The following CCDC33 variants were observed in gnomAD, a reference collection of about 807,000 sequenced individuals.
The protein encoded by CCDC33 is coiled-coil domain-containing protein 33.
A neutral mutation model predicts 91.9 loss-of-function variants in CCDC33; 94 were observed. That is an observed-to-expected ratio of 1.02 (90% CI 0.87 to 1.21). CCDC33 has a LOEUF of 1.21. CCDC33 is among the 50% of genes most tolerant of loss of function. The probability of loss-of-function intolerance (pLI) is 0.00; values close to 1 mark genes in which losing one functional copy is unlikely to be tolerated. For synonymous variants in CCDC33, 396 were observed against 374.5 expected, an observed-to-expected ratio of 1.06 and a Z score of -0.66; for missense variants, 940 against 935.5, an observed-to-expected ratio of 1.00 and a Z score of -0.06.
In CCDC33 at chr15:74,334,840, G is replaced by C. The variant is rs548466916; in HGVS notation, c.2026-135G>C. On this transcript the variant is annotated intron_variant, in intron 17 of 18. Transcript: ENST00000398814. The stretch of plus-strand genomic sequence containing the variant: ...CTCACCCCGCCACCCCTGAGGTCTC[G>C]GGAAGGTGTCAAGCCCACATGGCCC... 6.7e-6 allele frequency: 5 copies of C among 741,478 alleles called. No homozygotes were observed. In the East Asian group the frequency reaches 7.7e-5, roughly 11 times the overall value. The allele number at this position is 741,478 out of a possible 1,614,324, so 45.9% of individuals were successfully genotyped here.
intron 11 of CCDC33, among the ~76,000 whole-genome samples, chr15:74,322,150 T>C (rs1352541554): frequency 6.6e-6 from 1 of 152,160 alleles, no homozygotes; most frequent in African/African-American, 2.4e-5. Context: ...GAGAGGATGT[T>C]CCAGTTACCT....
intron 10 of CCDC33, among the ~76,000 whole-genome samples, chr15:74,291,031 C>T (rs2059574429): frequency 6.6e-6 from 1 of 152,160 alleles, no homozygotes; most frequent in African/African-American, 2.4e-5. Context: ...CTCCTCTGGC[C>T]TCAAAATGTG....
intron 5 of CCDC33, among the ~76,000 whole-genome samples, chr15:74,271,202 C>G (rs2076306487): frequency 6.6e-6 from 1 of 152,088 alleles, no homozygotes; most frequent in East Asian, 1.9e-4. Context: ...GTCGGAGAAA[C>G]CAGACCTGGG....
chr15:74,252,461 A>G (rs1595946895), intron 2 of CCDC33, among the ~76,000 whole-genome samples: 1 of 152,210 alleles, frequency 6.6e-6, no homozygotes, highest in East Asian at 1.9e-4. Context: ...GGCAGCCCTC[A>G]CTTGCTGATG....
chr15:74,233,107 G>A (rs115962727), upstream of CCDC33, among the ~76,000 whole-genome samples: 2,436 of 152,248 alleles, frequency 0.016, 63 homozygotes, highest in African/African-American at 0.056. Flanking sequence ...CCTTCATCCC[G>A]GAGGCCTTCC....
intron 5 of CCDC33, 31 bp from the exon 6 acceptor site, chr15:74,271,671 TG>T: frequency 6.4e-7 from 1 of 1,562,396 alleles, no homozygotes. Context: ...GGCCACATGG[TG>T]TTCACCTGCC....
intron 4 of CCDC33, among the ~76,000 whole-genome samples, chr15:74,267,574 G>A (rs1454250911): frequency 4.6e-5 from 7 of 151,204 alleles, no homozygotes; most frequent in African/African-American, 1.5e-4. Context: ...GCCAGGTAGT[G>A]AGCCAGAGAT....
chr15:74,306,225 C>G (rs77697159), intron 11 of CCDC33, among the ~76,000 whole-genome samples: 2,851 of 152,238 alleles, frequency 0.019, 68 homozygotes, highest in African/African-American at 0.066. Flanking sequence ...GGAGACACAT[C>G]AAGAATGGCT....
intron 2 of CCDC33, among the ~76,000 whole-genome samples, chr15:74,224,951 A>G (rs2074740001): frequency 6.6e-6 from 1 of 152,094 alleles, no homozygotes; most frequent in South Asian, 2.1e-4. Flanking sequence ...CCCAGATTCC[A>G]GGTTGCAGGG....
At chr15:74,246,105 A>G (rs2075521152) in intron 2 of CCDC33, among the ~76,000 whole-genome samples, 1 of 152,234 alleles carries the variant, frequency 6.6e-6, no homozygotes. Flanking sequence ...AAAGCACACA[A>G]TAGGCATAAG....
intron 11 of CCDC33, among the ~76,000 whole-genome samples, chr15:74,313,917 T>G (rs927339907): frequency 6.6e-6 from 1 of 152,158 alleles, no homozygotes. Context: ...CAAGGTCCCA[T>G]GACTGAACCC....
intron 10 of CCDC33, among the ~76,000 whole-genome samples, chr15:74,290,187 T>TG (rs940996113): frequency 3.3e-5 from 5 of 151,592 alleles, no homozygotes; most frequent in Non-Finnish European, 7.4e-5. Flanking sequence ...TTTTCCTTTT[T>TG]TTTTTTTTGA....
At chr15:74,282,945 G>T (rs187829488) in intron 10 of CCDC33, among the ~76,000 whole-genome samples, 1 of 152,190 alleles carries the variant, frequency 6.6e-6, no homozygotes, top group East Asian at 1.9e-4. Flanking sequence ...ACTAATGTCC[G>T]CGCCAACCCA....
chr15:74,256,986 G>A (rs372842535), intron 2 of CCDC33, among the ~76,000 whole-genome samples: 109 of 152,316 alleles, frequency 7.2e-4, no homozygotes, highest in Admixed American at 1.3e-3. Flanking sequence ...AGAGTTTCTC[G>A]GAAGGTGCCC....
chr15:74,307,908 T>TCCCCCCC (rs2059920867), intron 11 of CCDC33, among the ~76,000 whole-genome samples: 2 of 143,214 alleles, frequency 1.4e-5, no homozygotes, highest in Admixed American at 7.0e-5. Context: ...ACCCCACCCA[T>TCCCCCCC]CCCCTTTTCT....
chr15:74,334,601 A>G (rs1012992196), intron 17 of CCDC33, among the ~76,000 whole-genome samples: 1 of 151,846 alleles, frequency 6.6e-6, no homozygotes, highest in Non-Finnish European at 1.5e-5. Context: ...CAACGAGGTT[A>G]GGGTTCTGTG....
At chr15:74,271,270 C>T (rs950950818) in intron 5 of CCDC33, among the ~76,000 whole-genome samples, 2 of 152,118 alleles carry the variant, frequency 1.3e-5, no homozygotes, top group Non-Finnish European at 2.9e-5. Flanking sequence ...AGAGACCCCT[C>T]ACAGCCCTGG....
At chr15:74,303,984 A>G in intron 11 of CCDC33, 1 of 152,396 alleles carries the variant, frequency 6.6e-6, no homozygotes, top group Non-Finnish European at 1.5e-5. Context: ...GGAGGGAGGG[A>G]GAGGAGAAGG....
At chr15:74,254,692 T>G (rs2075806139) in intron 2 of CCDC33, among the ~76,000 whole-genome samples, 1 of 151,882 alleles carries the variant, frequency 6.6e-6, no homozygotes, top group African/African-American at 2.4e-5. Context: ...CCTGCGAATG[T>G]CAATGCTCCT....
Sources: gnomAD v4.1 joint callset for allele counts (sites outside exome capture counted in the v4.1 genomes callset) on GRCh38, gnomAD v4.1.1 for gene constraint, MANE v1.5 for transcripts, NCBI Gene and HGNC (gene_info 2026-07-23, HGNC 2026-07-21) for gene names.